The following CAMK4 variants were observed in gnomAD, a reference collection of about 807,000 sequenced individuals.
CAMK4 encodes the protein calcium/calmodulin dependent protein kinase IV.
Under a neutral mutation model 44.9 loss-of-function variants are expected in CAMK4, and 22 were observed. That is an observed-to-expected ratio of 0.49 (90% CI 0.35 to 0.70). The LOEUF (loss-of-function observed/expected upper bound fraction) is 0.70, where lower values mean the gene tolerates loss of function less well. Ranked by LOEUF, CAMK4 falls within the 30% of genes least tolerant of loss-of-function variation. The pLI is 0.01. For missense variants in CAMK4, 498 were observed against 586.8 expected (o/e 0.85, Z 1.56); for synonymous variants, 218 against 215.4 (o/e 1.01, Z -0.11).
At chr5:111,375,833 A>G (rs932747519) in intron 3 of CAMK4, among the ~76,000 whole-genome samples, 34 of 152,220 alleles carry the variant, frequency 2.2e-4, no homozygotes, top group Admixed American at 5.9e-4. Flanking sequence ...TGGGCCTAAC[A>G]TGGCTGCTCC....
intron 1 of CAMK4, among the ~76,000 whole-genome samples, chr5:111,241,095 A>G (rs1374866466): frequency 6.6e-6 from 1 of 152,138 alleles, no homozygotes; most frequent in African/African-American, 2.4e-5. Flanking sequence ...CACACACTGC[A>G]AATTTTTATT....
intron 1 of CAMK4, among the ~76,000 whole-genome samples, chr5:111,285,227 C>G (rs1751191233): frequency 6.6e-6 from 1 of 152,158 alleles, no homozygotes; most frequent in Non-Finnish European, 1.5e-5. Flanking sequence ...TAATGAACAG[C>G]TTATATATGA....
intron 1 of CAMK4, among the ~76,000 whole-genome samples, chr5:111,265,530 T>TCTC (rs1750203139): frequency 6.6e-6 from 1 of 152,234 alleles, no homozygotes; most frequent in Non-Finnish European, 1.5e-5. Flanking sequence ...ATTTAGCTTC[T>TCTC]CTCATTTTAC....
chr5:111,367,283 A>C (rs146353908), intron 2 of CAMK4, among the ~76,000 whole-genome samples: 4 of 151,878 alleles, frequency 2.6e-5, no homozygotes, highest in African/African-American at 9.7e-5. Flanking sequence ...GTATCCTTTC[A>C]TCAAGAGCCA....
chr5:111,334,433 C>T (rs1749308471), intron 1 of CAMK4, among the ~76,000 whole-genome samples: 1 of 151,422 alleles, frequency 6.6e-6, no homozygotes, highest in Admixed American at 6.6e-5. Context: ...CAATGAAAAG[C>T]TGTCCCAAGA....
intron 2 of CAMK4, among the ~76,000 whole-genome samples, chr5:111,366,879 T>G (rs1223912434): frequency 2.0e-5 from 3 of 151,942 alleles, no homozygotes; most frequent in African/African-American, 7.2e-5. Flanking sequence ...TGTATAAGCT[T>G]CAAAAAGTAT....
chr5:111,233,333 A>G (rs1748561019), intron 1 of CAMK4, among the ~76,000 whole-genome samples: 1 of 152,202 alleles, frequency 6.6e-6, no homozygotes, highest in African/African-American at 2.4e-5. Flanking sequence ...CTCATCTTTT[A>G]TCAAAATCTA....
At chr5:111,458,205 T>G (rs1406026318) in intron 7 of CAMK4, among the ~76,000 whole-genome samples, 1 of 152,180 alleles carries the variant, frequency 6.6e-6, no homozygotes, top group East Asian at 1.9e-4. Context: ...CTGAGTCAGT[T>G]GAGTAGTGCC....
chr5:111,365,940 A>G lies in CAMK4; in HGVS notation c.241-8910A>G, dbSNP rs1484819131. On this transcript the variant is annotated intron_variant, in intron 2 of 10. Coordinates refer to ENST00000282356, the MANE Select transcript of CAMK4 (RefSeq NM_001744.6). Reference sequence around the variant, plus strand: ...CTTAGCTTTCAAATTCTTGTAGACTAAAACTGTCATTCTTGAATTTAACAA... The same window carrying G: ...CTTAGCTTTCAAATTCTTGTAGACTGAAACTGTCATTCTTGAATTTAACAA... 4.6e-5 allele frequency among the ~76,000 whole-genome samples: 7 copies of G among 152,160 alleles called. No individual in the cohort carries two copies. In the East Asian group the frequency reaches 5.8e-4, roughly 13 times the overall value.
chr5:111,416,497 T>C (rs1424769942), intron 5 of CAMK4: 1 of 152,230 alleles, frequency 6.6e-6, no homozygotes, highest in Non-Finnish European at 1.5e-5. Context: ...AAGAGTTGTA[T>C]GCTTTAAGGT....
chr5:111,321,125 A>T (rs1013640600), intron 1 of CAMK4, among the ~76,000 whole-genome samples: 3 of 152,096 alleles, frequency 2.0e-5, no homozygotes, highest in Non-Finnish European at 4.4e-5. Flanking sequence ...GTTACCAGGA[A>T]CTCCCACTTC....
At chr5:111,437,610 G>A (rs1318066503) in intron 5 of CAMK4, among the ~76,000 whole-genome samples, 1 of 152,154 alleles carries the variant, frequency 6.6e-6, no homozygotes, top group East Asian at 1.9e-4. Flanking sequence ...TGGAAGGATA[G>A]GTACAGTTTC....
At chr5:111,398,111 C>T (rs1379653283) in intron 5 of CAMK4, among the ~76,000 whole-genome samples, 1 of 152,186 alleles carries the variant, frequency 6.6e-6, no homozygotes, top group Non-Finnish European at 1.5e-5. Flanking sequence ...CTTCCCTCTG[C>T]TCTCTTCCAA....
chr5:111,319,158 G>A (rs1748555456), intron 1 of CAMK4, among the ~76,000 whole-genome samples: 1 of 152,142 alleles, frequency 6.6e-6, no homozygotes, highest in Non-Finnish European at 1.5e-5. Context: ...TACAATTCAA[G>A]GCAGTGTGCA....
intron 1 of CAMK4, among the ~76,000 whole-genome samples, chr5:111,294,659 A>T (rs964557662): frequency 6.6e-6 from 1 of 151,776 alleles, no homozygotes; most frequent in Non-Finnish European, 1.5e-5. Flanking sequence ...TCTGTTTCAA[A>T]TGTTGCTTAT....
At chr5:111,337,536 GTGT>G (rs1749458163) in intron 1 of CAMK4, among the ~76,000 whole-genome samples, 1 of 147,226 alleles carries the variant, frequency 6.8e-6, no homozygotes. Flanking sequence ...CATTCAAATA[GTGT>G]TGTTGAAGTC....
At chr5:111,367,009 G>T (rs1013465288) in intron 2 of CAMK4, among the ~76,000 whole-genome samples, 1 of 151,564 alleles carries the variant, frequency 6.6e-6, no homozygotes, top group African/African-American at 2.4e-5. Flanking sequence ...AGTAACAAGA[G>T]CAATGACAAA....
intron 1 of CAMK4, among the ~76,000 whole-genome samples, chr5:111,228,602 C>G (rs182183012): frequency 6.6e-6 from 1 of 151,262 alleles, no homozygotes; most frequent in East Asian, 1.9e-4. Context: ...CAGCAATGCA[C>G]TTTAATATTT....
At chr5:111,325,426 A>G (rs1313129639) in intron 1 of CAMK4, among the ~76,000 whole-genome samples, 1 of 152,112 alleles carries the variant, frequency 6.6e-6, no homozygotes, top group Admixed American at 6.6e-5. Flanking sequence ...TAGATCCTTG[A>G]GGGATTGCCA....
Sources: gnomAD v4.1 joint callset for allele counts (sites outside exome capture counted in the v4.1 genomes callset) on GRCh38, gnomAD v4.1.1 for gene constraint, MANE v1.5 for transcripts, NCBI Gene and HGNC (gene_info 2026-07-23, HGNC 2026-07-21) for gene names.